The following LMO7 variants were observed in gnomAD, a reference collection of about 807,000 sequenced individuals.
LMO7 encodes LIM domain 7, also known as LIM domain only protein 7.
A neutral mutation model predicts 206.5 loss-of-function variants in LMO7; 120 were observed. The ratio of observed to expected loss-of-function variants is 0.58; its 90% CI spans 0.50 to 0.68. The LOEUF (loss-of-function observed/expected upper bound fraction) is 0.68. Ranked by LOEUF, LMO7 falls within the 30% of genes least tolerant of loss-of-function variation. The probability of loss-of-function intolerance (pLI) is 0.00; values close to 1 mark genes in which losing one functional copy is unlikely to be tolerated. For synonymous variants in LMO7, 706 were observed against 681.5 expected (o/e 1.04, Z -0.56); for missense variants, 1,959 against 1,957.9 (o/e 1.00, Z -0.01).
intron 3 of LMO7, among the ~76,000 whole-genome samples, chr13:75,735,261 C>T (rs1003217300): frequency 1.3e-5 from 2 of 151,788 alleles, no homozygotes; most frequent in Non-Finnish European, 2.9e-5. Flanking sequence ...CCACTCACCC[C>T]CTCTTCAGGA....
Position 75,833,732 on chromosome 13 carries a change from A to G in LMO7, c.3065-494A>G, listed in dbSNP as rs560931095. Among the ~76,000 whole-genome samples, 62 of 152,000 alleles carry G rather than the reference A, an allele frequency of 4.1e-4. 1 individual carries two copies. Among genetic ancestry groups the G allele is most frequent in the Non-Finnish European group, 7.6e-4 (52 of 67,998 alleles). ...ACTTTTATTTTTTAGTTTTTTTTAC[A>G]TATTTTAGCTATATAAAATTGCATG... On this transcript the variant is annotated intron_variant, in intron 16 of 30. Transcript: ENST00000377534.
chr13:75,809,276 GGTT>G (rs1222172261), intron 11 of LMO7, 93 bp downstream of exon 11: 27 of 1,079,458 alleles, frequency 2.5e-5, no homozygotes, highest in African/African-American at 2.2e-4. Flanking sequence ...CACTAAATGG[GGTT>G]GTTGTGTGCT....
chr13:75,796,969 T>G (rs1339146814), intron 6 of LMO7, among the ~76,000 whole-genome samples: 1 of 152,204 alleles, frequency 6.6e-6, no homozygotes, highest in Non-Finnish European at 1.5e-5. Flanking sequence ...TCCAGAGCAA[T>G]TTCCAAGGTA....
chr13:75,852,908 G>A (rs1168740203), intron 27 of LMO7, among the ~76,000 whole-genome samples, 184 bp from the exon 28 acceptor site: 2 of 151,982 alleles, frequency 1.3e-5, no homozygotes, highest in African/African-American at 4.8e-5. Context: ...AACTTATGAT[G>A]GGTTTATTGA....
chr13:75,725,396 A>T (rs1002983290), intron 2 of LMO7, among the ~76,000 whole-genome samples: 1 of 152,122 alleles, frequency 6.6e-6, no homozygotes, highest in Non-Finnish European at 1.5e-5. Context: ...GTCAGTGCTG[A>T]GCTAGTGCTC....
chr13:75,634,603 C>T (rs1032247639), upstream of LMO7, among the ~76,000 whole-genome samples: 8 of 151,936 alleles, frequency 5.3e-5, no homozygotes, highest in African/African-American at 1.9e-4. Flanking sequence ...ATTAGCCAGG[C>T]GTGGTGACGG....
chr13:75,842,943 AATTG>A (rs2059670753), intron 25 of LMO7, 27 bp downstream of exon 25: 1 of 1,313,526 alleles, frequency 7.6e-7, no homozygotes, highest in Non-Finnish European at 1.1e-6. Flanking sequence ...ATTGTAATTT[AATTG>A]ATGATAATGG....
At chr13:75,752,106 G>A (rs553373341) in intron 3 of LMO7, among the ~76,000 whole-genome samples, 1 of 151,936 alleles carries the variant, frequency 6.6e-6, no homozygotes, top group Non-Finnish European at 1.5e-5. Flanking sequence ...ATATGCAACA[G>A]CACTTGTTAA....
intron 1 of LMO7, among the ~76,000 whole-genome samples, chr13:75,653,754 C>G (rs1176316736): frequency 6.6e-6 from 1 of 152,078 alleles, no homozygotes; most frequent in Non-Finnish European, 1.5e-5. Context: ...ATGACAGAGT[C>G]CAGTAAATTG....
chr13:75,634,352 C>T (rs1031861137), upstream of LMO7, among the ~76,000 whole-genome samples: 5 of 151,870 alleles, frequency 3.3e-5, no homozygotes, highest in South Asian at 2.1e-4. Flanking sequence ...GCAAGAGGAT[C>T]GCTTGAGCCC....
intron 1 of LMO7, among the ~76,000 whole-genome samples, chr13:75,671,836 G>A (rs907890625): frequency 6.6e-6 from 1 of 152,004 alleles, no homozygotes; most frequent in South Asian, 2.1e-4. Flanking sequence ...TAGCCAGCCT[G>A]TTGCCTGTCT....
At chr13:75,772,200 TAGG>T (rs764903156) in intron 4 of LMO7, among the ~76,000 whole-genome samples, 10 of 152,152 alleles carry the variant, frequency 6.6e-5, no homozygotes, top group African/African-American at 1.9e-4. Context: ...TGCCATTTAT[TAGG>T]AGGAAGAAAT....
chr13:75,773,495 C>T (rs372356094), intron 4 of LMO7, among the ~76,000 whole-genome samples: 14 of 152,086 alleles, frequency 9.2e-5, no homozygotes, highest in Admixed American at 2.0e-4. Context: ...AAGGTAATTA[C>T]GGCAGTCAAT....
At chr13:75,854,295 A>G (rs1397283064) in intron 28 of LMO7, among the ~76,000 whole-genome samples, 1 of 152,246 alleles carries the variant, frequency 6.6e-6, no homozygotes, top group East Asian at 1.9e-4. Flanking sequence ...AACATGTTTT[A>G]TATAAATCCA....
intron 12 of LMO7, among the ~76,000 whole-genome samples, chr13:75,817,962 C>A (rs1288212166): frequency 1.3e-5 from 2 of 151,486 alleles, no homozygotes; most frequent in African/African-American, 4.9e-5. Context: ...CAGAGCAAAC[C>A]CAAAGGAATT....
At chr13:75,793,207 G>GT (rs1002874529) in intron 4 of LMO7, among the ~76,000 whole-genome samples, 2 of 152,188 alleles carry the variant, frequency 1.3e-5, no homozygotes, top group Admixed American at 1.3e-4. Context: ...CAACTCTGCT[G>GT]TTTTTTGTTG....
intron 1 of LMO7, among the ~76,000 whole-genome samples, chr13:75,652,359 G>C (rs2139151057): frequency 6.6e-6 from 1 of 152,178 alleles, no homozygotes; most frequent in South Asian, 2.1e-4. Context: ...ATTTTCCAAG[G>C]AAACTTGCAT....
upstream of LMO7, among the ~76,000 whole-genome samples, chr13:75,633,841 CTTTTTTTTTTTTTT>C (rs60769000): frequency 1.5e-5 from 1 of 64,674 alleles, no homozygotes; most frequent in Non-Finnish European, 2.7e-5. Flanking sequence ...GTGTCTTTTC[CTTTTTTTTTTTTTT>C]TTTTTTTTTT....
intron 6 of LMO7, among the ~76,000 whole-genome samples, chr13:75,797,819 C>A (rs565824594): frequency 6.6e-6 from 1 of 152,152 alleles, no homozygotes; most frequent in African/African-American, 2.4e-5. Context: ...GAGTCAATAA[C>A]GCTGTATTCA....
Sources: gnomAD v4.1 joint callset for allele counts (sites outside exome capture counted in the v4.1 genomes callset) on GRCh38, gnomAD v4.1.1 for gene constraint, MANE v1.5 for transcripts, NCBI Gene and HGNC (gene_info 2026-07-23, HGNC 2026-07-21) for gene names.